The following HORMAD2 variants were observed in gnomAD, a reference collection of about 807,000 sequenced individuals.
HORMAD2 encodes the protein HORMA domain containing 2.
HORMAD2 carries 45 observed loss-of-function variants against 38.8 expected under a neutral mutation model. The ratio of observed to expected loss-of-function variants is 1.16; its 90% confidence interval spans 0.91 to 1.49. HORMAD2 has a LOEUF of 1.49. HORMAD2 is among the 40% of genes most tolerant of loss of function. The pLI, the probability that HORMAD2 is intolerant of heterozygous loss-of-function variation, is 0.00. For missense variants in HORMAD2, 338 were observed against 367.0 expected (o/e 0.92, Z 0.65); for synonymous variants, 126 against 122.8 (o/e 1.03, Z -0.17).
At chr22:30,180,191 C>T (rs139694494), downstream of HORMAD2, among the ~76,000 whole-genome samples, 399 of 152,198 alleles carry the variant, frequency 2.6e-3, 2 homozygotes, top group Non-Finnish European at 4.5e-3. Flanking sequence ...TGCCCAGGCT[C>T]ATTAAACATT....
chr22:30,133,731 T>A (rs1444303647), intron 10 of HORMAD2, among the ~76,000 whole-genome samples: 1 of 152,040 alleles, frequency 6.6e-6, no homozygotes, highest in Non-Finnish European at 1.5e-5. Flanking sequence ...CAATACAGTA[T>A]AACTACATAG....
At chr22:30,126,414 G>T (rs1240416975) in intron 10 of HORMAD2, among the ~76,000 whole-genome samples, 1 of 152,076 alleles carries the variant, frequency 6.6e-6, no homozygotes, top group Non-Finnish European at 1.5e-5. Flanking sequence ...TGATCAGCCC[G>T]CCTCGGCCTG....
At chr22:30,203,744 C>T in the HORMAD2 span, among the ~76,000 whole-genome samples, 345 of 152,348 alleles carry the variant, frequency 2.3e-3, 14 homozygotes, top group South Asian at 0.067. Context: ...CACATTCTCA[C>T]GCAAAACACA....
At chr22:30,104,362 A>T (rs201407013) in intron 4 of HORMAD2, 39 bp from the exon 5 acceptor site, 618 of 1,579,246 alleles carry the variant, frequency 3.9e-4, no homozygotes, top group Non-Finnish European at 4.8e-4. Context: ...TTGGATTTGC[A>T]TATGGTCCAA....
intron 5 of HORMAD2, among the ~76,000 whole-genome samples, chr22:30,110,322 A>G (rs1569091138): frequency 1.3e-5 from 2 of 152,016 alleles, no homozygotes; most frequent in Non-Finnish European, 1.5e-5. Flanking sequence ...ATCAGTTTTC[A>G]GATATCTAGG....
chr22:30,198,364 GT>G, the HORMAD2 span, among the ~76,000 whole-genome samples: 1 of 152,208 alleles, frequency 6.6e-6, no homozygotes, highest in African/African-American at 2.4e-5. Context: ...AGCCTTGCTT[GT>G]GGCCGGAGCT....
chr22:30,145,631 A>G (rs1296598043), intron 10 of HORMAD2, among the ~76,000 whole-genome samples: 1 of 152,188 alleles, frequency 6.6e-6, no homozygotes, highest in Non-Finnish European at 1.5e-5. Context: ...AGTAGAATAT[A>G]GAAGTCACTC....
At chr22:30,189,431 A>G in the HORMAD2 span, among the ~76,000 whole-genome samples, 1 of 151,806 alleles carries the variant, frequency 6.6e-6, no homozygotes, top group African/African-American at 2.4e-5. Flanking sequence ...AATATGTTAT[A>G]TTAGAGCTCA....
At chr22:30,084,298 G>C (rs889165130) in intron 1 of HORMAD2, among the ~76,000 whole-genome samples, 5 of 152,178 alleles carry the variant, frequency 3.3e-5, no homozygotes, top group Admixed American at 3.3e-4. Flanking sequence ...TGGTAAGACA[G>C]AGAGAGCAAG....
At chr22:30,157,454 T>C (rs1305781599) in intron 10 of HORMAD2, among the ~76,000 whole-genome samples, 1 of 152,092 alleles carries the variant, frequency 6.6e-6, no homozygotes, top group Non-Finnish European at 1.5e-5. Context: ...TCCCTTTTTT[T>C]TTTTTTAACA....
At chr22:30,113,234 A>G (rs907734825) in intron 7 of HORMAD2, among the ~76,000 whole-genome samples, 6 of 151,728 alleles carry the variant, frequency 4.0e-5, no homozygotes, top group African/African-American at 1.5e-4. Flanking sequence ...CAGATTGTGA[A>G]TTCTTCTTTT....
chr22:30,121,103 A>T (rs1421356221), intron 8 of HORMAD2, among the ~76,000 whole-genome samples: 2 of 152,244 alleles, frequency 1.3e-5, no homozygotes, highest in Non-Finnish European at 2.9e-5. Flanking sequence ...CAAGAAGGAA[A>T]GCAGGAAAAA....
the HORMAD2 span, among the ~76,000 whole-genome samples, chr22:30,183,699 TATGTAA>T: frequency 6.6e-6 from 1 of 152,230 alleles, no homozygotes; most frequent in Admixed American, 6.5e-5. Flanking sequence ...CCAGTGATCA[TATGTAA>T]AAATAATATA....
At chr22:30,155,632 C>G (rs370286864) in intron 10 of HORMAD2, among the ~76,000 whole-genome samples, 1 of 151,742 alleles carries the variant, frequency 6.6e-6, no homozygotes, top group East Asian at 1.9e-4. Context: ...GTGGACAGAA[C>G]TAGAGAATAT....
chr22:30,129,811 G>C (rs1923152632), intron 10 of HORMAD2, among the ~76,000 whole-genome samples: 1 of 152,062 alleles, frequency 6.6e-6, no homozygotes, highest in Non-Finnish European at 1.5e-5. Flanking sequence ...TGCCTAGCTT[G>C]ATTTGGTGAT....
At chr22:30,126,263 G>T (rs925646476) in intron 10 of HORMAD2, among the ~76,000 whole-genome samples, 2 of 151,962 alleles carry the variant, frequency 1.3e-5, no homozygotes, top group African/African-American at 2.4e-5. Context: ...CCGCCTCCTG[G>T]GTTCACGCCA....
At chr22:30,099,869 A>G (rs1263045575) in intron 3 of HORMAD2, among the ~76,000 whole-genome samples, 1 of 152,214 alleles carries the variant, frequency 6.6e-6, no homozygotes, top group Non-Finnish European at 1.5e-5. Context: ...CCTGGGTGAC[A>G]AGAGCAAAAC....
intron 10 of HORMAD2, among the ~76,000 whole-genome samples, chr22:30,132,332 A>G (rs9625924): frequency 0.1 from 15,439 of 152,226 alleles, 804 homozygotes; most frequent in Middle Eastern, 0.14. Flanking sequence ...CTATAATCCC[A>G]GCACTTTGGG....
intron 1 of HORMAD2, among the ~76,000 whole-genome samples, chr22:30,092,069 T>C (rs1333128753): frequency 5.3e-5 from 8 of 151,054 alleles, no homozygotes; most frequent in Non-Finnish European, 1.0e-4. Flanking sequence ...TTTGTATTTT[T>C]AGTAAAGACA....
Sources: allele counts gnomAD v4.1 joint callset (sites outside exome capture counted in the v4.1 genomes callset), GRCh38; gene constraint gnomAD v4.1.1; transcripts MANE v1.5; gene names NCBI Gene and HGNC (gene_info 2026-07-23, HGNC 2026-07-21).